Variants in KCNH5 observed in about 807,000 individuals in gnomAD.
The protein encoded by KCNH5 is potassium voltage-gated channel subfamily H member 5, also known as voltage-gated delayed rectifier potassium channel KCNH5.
In KCNH5, 46 loss-of-function variants were observed where a neutral mutation model predicts 96.1. That is an observed-to-expected ratio of 0.48 (90% CI 0.38 to 0.61). The LOEUF (loss-of-function observed/expected upper bound fraction) is 0.61. Among genes scored for constraint, KCNH5 ranks in the 20% least tolerant of loss-of-function variants. The pLI, the probability that KCNH5 is intolerant of heterozygous loss-of-function variation, is 0.00. For synonymous variants in KCNH5, 439 were observed against 449.8 expected, an observed-to-expected ratio of 0.98 and a Z score of 0.30; for missense variants, 907 against 1,225.8, an observed-to-expected ratio of 0.74 and a Z score of 3.88.
At chr14:63,018,987 AT>A (rs1233601367) in intron 1 of KCNH5, among the ~76,000 whole-genome samples, 25 of 152,202 alleles carry the variant, frequency 1.6e-4, no homozygotes, top group Non-Finnish European at 3.7e-4. Flanking sequence ...AGAAAGAACA[AT>A]TTGAAAACAC....
At chr14:62,844,634 C>A (rs920618898) in intron 8 of KCNH5, among the ~76,000 whole-genome samples, 13 of 152,092 alleles carry the variant, frequency 8.5e-5, no homozygotes, top group Non-Finnish European at 1.0e-4. Context: ...TCTAAAGCAA[C>A]CGTACTAATG....
rs78931553 is a variant in KCNH5 at position 62,824,612 on chromosome 14, C to T, written c.1570-22031G>A. Among the ~76,000 whole-genome samples the T allele has an allele frequency of 6.6e-3, 996 of 152,022 alleles. 13 individuals carry two copies. Among genetic ancestry groups the T allele is most frequent in the African/African-American group, 0.023 (945 of 41,486 alleles). On this transcript the variant is annotated intron_variant, in intron 8 of 10. Transcript: ENST00000322893. The stretch of plus-strand genomic sequence containing the variant: ...GAAGATTTATTTTTTATGATTATTA[C>T]TTTATTCTTTTCTACTTTTATTTTA...
chr14:62,994,644 C>CTG (rs1203484689), intron 4 of KCNH5, among the ~76,000 whole-genome samples: 2 of 151,892 alleles, frequency 1.3e-5, no homozygotes, highest in African/African-American at 4.8e-5. Context: ...TATTCTCAAC[C>CTG]TGTGCTTCAT....
At chr14:62,764,042 T>C (rs1885809889) in intron 10 of KCNH5, among the ~76,000 whole-genome samples, 1 of 152,202 alleles carries the variant, frequency 6.6e-6, no homozygotes, top group Admixed American at 6.5e-5. Flanking sequence ...AGCATCATTC[T>C]GATACCAAAA....
rs190525070 is a variant in KCNH5, at chr14:62,891,361, C to T, written c.1370-41509G>A. 3.6e-3 allele frequency among the ~76,000 whole-genome samples: 555 copies of T among 152,192 alleles called. 12 individuals carry two copies. The highest frequency in any genetic ancestry group is 6.6e-3 in the Admixed American group (101 of 15,306). On this transcript the variant is annotated intron_variant, in intron 7 of 10. Coordinates refer to ENST00000322893, the MANE Select transcript of KCNH5 (RefSeq NM_139318.5). ...CTAAGTAGGAGCTAAATGATGACAA[C>T]TTATGAACACAAAGAAGGAAACAGC...
chr14:62,863,578 A>G (rs1052779663), intron 7 of KCNH5, among the ~76,000 whole-genome samples: 1 of 152,196 alleles, frequency 6.6e-6, no homozygotes, highest in Non-Finnish European at 1.5e-5. Context: ...AGATGCCTCT[A>G]CCAAGTATAG....
intron 5 of KCNH5, among the ~76,000 whole-genome samples, chr14:62,984,393 T>C (rs911791510): frequency 1.3e-5 from 2 of 152,166 alleles, no homozygotes; most frequent in Admixed American, 6.6e-5. Context: ...TCTTTGAAAC[T>C]GGGGATCAGC....
intron 7 of KCNH5, among the ~76,000 whole-genome samples, chr14:62,915,376 G>A (rs1219110064): frequency 6.6e-6 from 1 of 152,186 alleles, no homozygotes; most frequent in East Asian, 1.9e-4. Flanking sequence ...GAAGAAACGT[G>A]ATGAAAACAT....
At chr14:63,021,856 T>C (rs1219050236) in intron 1 of KCNH5, among the ~76,000 whole-genome samples, 2 of 152,182 alleles carry the variant, frequency 1.3e-5, no homozygotes, top group Non-Finnish European at 2.9e-5. Context: ...TCTCTGAACA[T>C]TCCTCTAGTT....
intron 7 of KCNH5, among the ~76,000 whole-genome samples, chr14:62,902,569 T>G (rs1183371063): frequency 1.3e-5 from 2 of 152,200 alleles, no homozygotes; most frequent in African/African-American, 4.8e-5. Flanking sequence ...GGCAATATAG[T>G]ATATTTTGTA....
chr14:63,036,801 A>T (rs576410699), intron 1 of KCNH5, among the ~76,000 whole-genome samples: 3 of 152,256 alleles, frequency 2.0e-5, no homozygotes, highest in Admixed American at 6.5e-5. Context: ...AAGCCAGTAG[A>T]AAGGGCAGCA....
At chr14:62,837,885 G>A (rs1057086481) in intron 8 of KCNH5, among the ~76,000 whole-genome samples, 2 of 152,158 alleles carry the variant, frequency 1.3e-5, no homozygotes, top group Non-Finnish European at 2.9e-5. Flanking sequence ...TTCAAATTGT[G>A]TTATTAGACA....
chr14:62,907,240 G>T (rs919308302), intron 7 of KCNH5, among the ~76,000 whole-genome samples: 2 of 152,184 alleles, frequency 1.3e-5, no homozygotes, highest in Non-Finnish European at 2.9e-5. Context: ...CTATGACAAA[G>T]ATCCTGTTTC....
intron 7 of KCNH5, among the ~76,000 whole-genome samples, chr14:62,890,542 A>C (rs1026645089): frequency 1.3e-5 from 2 of 150,042 alleles, no homozygotes; most frequent in African/African-American, 4.9e-5. Context: ...AAAAATACAA[A>C]AAAAAAATTA....
chr14:62,941,846 G>A (rs17100555), intron 7 of KCNH5, among the ~76,000 whole-genome samples: 5,391 of 152,130 alleles, frequency 0.035, 104 homozygotes, highest in Non-Finnish European at 0.042. Context: ...AGCCTGTCTG[G>A]ATATCCACCT....
At chr14:62,826,099 T>C (rs561461487) in intron 8 of KCNH5, among the ~76,000 whole-genome samples, 2 of 152,278 alleles carry the variant, frequency 1.3e-5, no homozygotes, top group South Asian at 4.1e-4. Flanking sequence ...CTGAAAGTGA[T>C]GTCTTAAAGT....
At chr14:62,885,752 T>C (rs1029410764) in intron 7 of KCNH5, among the ~76,000 whole-genome samples, 2 of 152,192 alleles carry the variant, frequency 1.3e-5, no homozygotes, top group Admixed American at 6.5e-5. Flanking sequence ...AAAAATGTGA[T>C]GAAAGGATGG....
rs546754620 is a variant in KCNH5, at chr14:62,710,036, C to T, written c.2020-1581G>A. 4.6e-5 allele frequency among the ~76,000 whole-genome samples: 7 copies of T among 152,302 alleles called. No individual in the cohort carries two copies. In the South Asian group the frequency reaches 1.2e-3, roughly 27 times the overall value. On this transcript the variant is annotated intron_variant, in intron 10 of 10. Coordinates refer to ENST00000322893, the MANE Select transcript of KCNH5 (RefSeq NM_139318.5). The stretch of plus-strand genomic sequence containing the variant: ...CATACGTTGGTTCTCTCTCCTTGAA[C>T]TCTCATAAAATACTCCTATCTGAAA...
At chr14:63,010,657 G>A (rs1313931750) in intron 2 of KCNH5, among the ~76,000 whole-genome samples, 1 of 152,202 alleles carries the variant, frequency 6.6e-6, no homozygotes, top group African/African-American at 2.4e-5. Context: ...TAGGCATCTG[G>A]CAGTTATCGT....
Sources: allele counts gnomAD v4.1 joint callset (sites outside exome capture counted in the v4.1 genomes callset), GRCh38; gene constraint gnomAD v4.1.1; transcripts MANE v1.5; gene names NCBI Gene and HGNC (gene_info 2026-07-23, HGNC 2026-07-21).